NBEAL1: variants seen among roughly 807,000 people sequenced by gnomAD.
NBEAL1 encodes the protein neurobeachin-like protein 1.
Under a neutral mutation model 351.3 loss-of-function variants are expected in NBEAL1, and 273 were observed. The ratio of observed to expected loss-of-function variants is 0.78; its 90% CI spans 0.70 to 0.86. The LOEUF is 0.86. Among genes scored for constraint, NBEAL1 ranks in the 40% least tolerant of loss-of-function variants. The pLI is 0.00. For missense variants in NBEAL1, 2,961 were observed against 3,201.3 expected (o/e 0.92, Z 1.81); for synonymous variants, 1,050 against 1,086.4 (o/e 0.97, Z 0.66).
chr2:203,032,117 G>C (rs988053251), intron 2 of NBEAL1, among the ~76,000 whole-genome samples: 1 of 152,058 alleles, frequency 6.6e-6, no homozygotes, highest in African/African-American at 2.4e-5. Context: ...AGGCTCTTGC[G>C]AACTACCATA....
intron 31 of NBEAL1, among the ~76,000 whole-genome samples, chr2:203,141,125 G>T (rs1479247207): frequency 6.7e-6 from 1 of 150,212 alleles, no homozygotes; most frequent in Non-Finnish European, 1.5e-5. Context: ...TTAGCCTAAT[G>T]ACTGCTAAAG....
At position 203,208,237 on chromosome 2, in the gene NBEAL1, G is replaced by A. The variant is rs562830106; in HGVS notation, c.7507-400G>A. On this transcript the variant is annotated intron_variant, in intron 51 of 55. Coordinates refer to ENST00000683969, the MANE Select transcript of NBEAL1 (RefSeq NM_001378026.1). ...GGAGGTCGAGGCTACAGTGAGCCAT[G>A]TTCATGCCACCGCACTCCAGCCTGG... Among the ~76,000 whole-genome samples, 258 of 152,136 alleles carry A rather than the reference G, an allele frequency of 1.7e-3. 1 individual carries two copies. Among genetic ancestry groups the A allele is most frequent in the African/African-American group, 6.0e-3 (247 of 41,494 alleles).
At chr2:203,178,883 T>C (rs11894438) in intron 42 of NBEAL1, among the ~76,000 whole-genome samples, 25,800 of 152,196 alleles carry the variant, frequency 0.17, 2,642 homozygotes, top group East Asian at 0.53. Context: ...ATTATGAATA[T>C]ACTGAATTAA....
At position 203,024,777 on chromosome 2, in the gene NBEAL1, G is replaced by T. The variant is rs911554658; in HGVS notation, c.51+8342G>T. Among the ~76,000 whole-genome samples, 4 of 151,906 alleles carry T rather than the reference G, an allele frequency of 2.6e-5. No homozygotes were observed. The East Asian group carries it at 7.8e-4, about 29-fold the overall frequency. ...CTCAGGAGGCTGAGGCAGGAGAATC[G>T]CTTGAACCTGGGGGGCGGAGACTGT... On this transcript the variant is annotated intron_variant, in intron 2 of 55. Transcript: ENST00000683969.
At chr2:203,208,961 G>A (rs1275278800) in intron 52 of NBEAL1, among the ~76,000 whole-genome samples, 200 bp from the exon 53 acceptor site, 1 of 152,134 alleles carries the variant, frequency 6.6e-6, no homozygotes, top group Non-Finnish European at 1.5e-5. Flanking sequence ...TATTATTTAA[G>A]GGAAGAGGAC....
chr2:203,217,253 A>G lies in NBEAL1; in HGVS notation c.8071A>G (p.Met2691Val), dbSNP rs746240442. The G allele has an allele frequency of 6.4e-7, 1 of 1,572,470 alleles. No homozygotes were observed. Among genetic ancestry groups the G allele is most frequent in the African/African-American group, 1.4e-5 (1 of 73,282 alleles). ...IVVGVGKPAE[M>V]RSGQLSRKFW... Reference sequence around the variant, plus strand: ...CATTTCTTTGGATTACTTTACACAGATGCGTTCAGGTCAGCTTTCTCGAAA... The same window carrying G: ...CATTTCTTTGGATTACTTTACACAGGTGCGTTCAGGTCAGCTTTCTCGAAA... Residue 2691 changes from methionine to valine, a missense_variant and splice_region_variant, in exon 56 of 56, where the codon ATG (methionine) becomes GTG (valine). Physicochemically the swap from Met to Val is conservative, Grantham distance 21 (BLOSUM62 1). Coordinates refer to ENST00000683969, the MANE Select transcript of NBEAL1 (RefSeq NM_001378026.1).
intron 35 of NBEAL1, among the ~76,000 whole-genome samples, chr2:203,154,822 G>A (rs1297064350): frequency 2.7e-5 from 4 of 150,028 alleles, no homozygotes; most frequent in Admixed American, 6.7e-5. Flanking sequence ...CATACTTGTA[G>A]TTGGAGCTAC....
chr2:203,178,930 T>C (rs1242455321), intron 42 of NBEAL1, among the ~76,000 whole-genome samples: 1 of 152,242 alleles, frequency 6.6e-6, no homozygotes, highest in East Asian at 1.9e-4. Flanking sequence ...GCAATTTATA[T>C]GTTAATTTTA....
intron 47 of NBEAL1, among the ~76,000 whole-genome samples, chr2:203,194,509 T>G (rs938671745): frequency 1.3e-5 from 2 of 152,200 alleles, no homozygotes; most frequent in African/African-American, 4.8e-5. Context: ...TTTGAAAATA[T>G]ACATTGAACA....
chr2:203,056,523 A>G lies in NBEAL1; in HGVS notation c.387+15A>G. 7.0e-7 allele frequency: 1 copy of G among 1,423,600 alleles called. No homozygotes were observed. Among genetic ancestry groups the G allele is most frequent in the African/African-American group, 1.4e-5 (1 of 70,614 alleles). The allele number at this position is 1,423,600 out of a possible 1,614,324, so 88.2% of individuals were successfully genotyped here. On this transcript the variant is annotated intron_variant, in intron 5 of 55. Coordinates refer to ENST00000683969, the MANE Select transcript of NBEAL1 (RefSeq NM_001378026.1). ...ATATTCAGCAAGTAGGTGTGAACTA[A>G]TCTTTTTTGTCACTTTACTGAGAAC...
At position 203,209,203 on chromosome 2, in the gene NBEAL1, A is replaced by G. The variant is rs1229855158; in HGVS notation, c.7666A>G (p.Met2556Val). 1.2e-6 allele frequency: 2 copies of G among 1,613,668 alleles called. No individual in the cohort carries two copies. Among genetic ancestry groups the G allele is most frequent in the Non-Finnish European group, 1.7e-6 (2 of 1,179,712 alleles). Residue 2556 changes from methionine (M) to valine (V), a missense_variant, in exon 53 of 56, where the codon ATG becomes GTG. Physicochemically the swap from Met to Val is conservative, Grantham distance 21. Transcript: ENST00000683969. ...ACATACCATTCAGAAAGGTCAGTAC[A>G]TGAGGACTTTACGACCACCTTGTGA... The part of the protein sequence containing the change: ...IIHTIQKGQY[M>V]RTLRPPCESS...
At chr2:203,074,878 CT>C in intron 7 of NBEAL1, 1 of 154,016 alleles carries the variant, frequency 6.5e-6, no homozygotes, top group Non-Finnish European at 1.4e-5. Context: ...TTGCTGTCAT[CT>C]TTTTCATTGG....
In NBEAL1 at chr2:203,172,833, C is replaced by T. The variant is rs201436178; in HGVS notation, c.6303C>T (p.Asn2101=). ...CAATTGGGGTAGTTAATGAAAAAAACGCCAAAGCTATGAGAGAAAAGTAAG... is the reference window on the plus strand; with the variant it reads ...CAATTGGGGTAGTTAATGAAAAAAATGCCAAAGCTATGAGAGAAAAGTAAG... ...SKPIGVVNEK[N]AKAMREKYEN... is the part of the protein sequence containing the mutation. The change falls in exon 41 of 56, where the codon AAC becomes AAT. Residue 2101 remains asparagine (N), a synonymous_variant. Transcript: ENST00000683969. 20 of 1,607,538 alleles carry T rather than the reference C, an allele frequency of 1.2e-5. No homozygotes were observed. The highest frequency in any genetic ancestry group is 4.5e-5 in the South Asian group (4 of 89,690).
intron 47 of NBEAL1, 62 bp downstream of exon 47, chr2:203,193,973 C>T (rs1323490200): frequency 1.1e-6 from 1 of 912,482 alleles, no homozygotes. Flanking sequence ...TTTTAAAGTT[C>T]TTTTATTATT....
rs768327181 is a variant in NBEAL1 at position 203,026,672 on chromosome 2, G to A, written c.51+10237G>A. The stretch of plus-strand genomic sequence containing the variant: ...TGGAACTACTGGTGTGCACCACCAT[G>A]CCCAGCTAATTTTTGTATTTTTAGT... On this transcript the variant is annotated intron_variant, in intron 2 of 55. Transcript: ENST00000683969. 7.9e-4 allele frequency among the ~76,000 whole-genome samples: 120 copies of A among 152,024 alleles called. 1 individual carries two copies. The highest frequency in any genetic ancestry group is 1.2e-3 in the Non-Finnish European group (84 of 67,978).
At chr2:203,069,683 T>A (rs2061649617) in intron 7 of NBEAL1, among the ~76,000 whole-genome samples, 1 of 152,188 alleles carries the variant, frequency 6.6e-6, no homozygotes, top group African/African-American at 2.4e-5. Context: ...AGAGATGCGG[T>A]CTCATTCTGT....
At chr2:203,067,789 A>G (rs2061618779) in intron 6 of NBEAL1, among the ~76,000 whole-genome samples, 1 of 152,236 alleles carries the variant, frequency 6.6e-6, no homozygotes, top group East Asian at 1.9e-4. Flanking sequence ...CACTATGCCC[A>G]TCTAAGAGAT....
chr2:203,169,273 G>A (rs1248462291), intron 38 of NBEAL1, among the ~76,000 whole-genome samples: 1 of 151,810 alleles, frequency 6.6e-6, no homozygotes, highest in African/African-American at 2.4e-5. Flanking sequence ...GTCAGGGAAT[G>A]GGAAGGAGGC....
chr2:203,218,407 A>T lies in NBEAL1; in HGVS notation c.*1053A>T, dbSNP rs1181111733. 2 of 152,158 alleles carry T rather than the reference A, an allele frequency of 1.3e-5. No individual in the cohort carries two copies. The highest frequency in any genetic ancestry group is 2.9e-5 in the Non-Finnish European group (2 of 68,008). The allele number at this position is 152,158 out of a possible 1,614,324, so 9.4% of individuals were successfully genotyped here. On this transcript the variant is annotated 3_prime_UTR_variant, in exon 56 of 56. Transcript: ENST00000683969. The stretch of plus-strand genomic sequence containing the variant: ...AATTTGGAATTCAAAGACATTGTTA[A>T]ACTTAGATTTTTTTGTAAGATTATC...
Sources: allele counts gnomAD v4.1 joint callset (sites outside exome capture counted in the v4.1 genomes callset), GRCh38; gene constraint gnomAD v4.1.1; transcripts MANE v1.5; gene names NCBI Gene and HGNC (gene_info 2026-07-23, HGNC 2026-07-21).